The following TRIM71 variants were observed in gnomAD, a reference collection of about 807,000 sequenced individuals.
The protein encoded by TRIM71 is tripartite motif containing 71.
Under a neutral mutation model 61.2 loss-of-function variants are expected in TRIM71, and 9 were observed. The ratio of observed to expected loss-of-function variants is 0.15; its 90% confidence interval spans 0.09 to 0.26. The LOEUF (loss-of-function observed/expected upper bound fraction) is 0.26, where lower values mean the gene tolerates loss of function less well. Ranked by LOEUF, TRIM71 falls within the 10% of genes least tolerant of loss-of-function variation. The probability of loss-of-function intolerance (pLI) is 1.00; values close to 1 mark genes in which losing one functional copy is unlikely to be tolerated. For synonymous variants in TRIM71, 645 were observed against 553.2 expected (o/e 1.17, Z -2.33); for missense variants, 998 against 1,238.7 (o/e 0.81, Z 2.92).
chr3:32,888,503 A>G (rs1331781170), intron 3 of TRIM71, among the ~76,000 whole-genome samples: 1 of 148,396 alleles, frequency 6.7e-6, no homozygotes, highest in Non-Finnish European at 1.5e-5. Flanking sequence ...CTCCTTTAAT[A>G]CACATTTCCC....
intron 1 of TRIM71, among the ~76,000 whole-genome samples, chr3:32,822,722 C>T (rs1696155487): frequency 6.6e-6 from 1 of 152,098 alleles, no homozygotes; most frequent in Admixed American, 6.6e-5. Flanking sequence ...AAGCATAATA[C>T]AAATTTTCCC....
chr3:32,830,286 G>A, intron 1 of TRIM71, among the ~76,000 whole-genome samples: 1 of 152,046 alleles, frequency 6.6e-6, no homozygotes. Context: ...TCATTAAGGA[G>A]AACGTTAAAA....
At chr3:32,870,953 C>T (rs1487688565) in intron 1 of TRIM71, among the ~76,000 whole-genome samples, 1 of 151,202 alleles carries the variant, frequency 6.6e-6, no homozygotes. Context: ...CAAGCGTGAG[C>T]CACCACGCCC....
chr3:32,891,661 G>C lies in TRIM71; in HGVS notation c.2457G>C (p.Gln819His). The change falls in exon 4 of 4, where the codon CAG (glutamine) becomes CAC (histidine). Residue 819 changes from glutamine to histidine, a missense_variant. Transcript: ENST00000383763. This position sits in a 1 kb window ranked among gnomAD's most constrained non-coding sequence, Gnocchi z 8.2. ...CGGATTCCAGGAACCATCGGGTACA[G>C]ATGTTTGAATCCAACGGCAGCTTCC... ...IVADSRNHRV[Q>H]MFESNGSFLC... The C allele has an allele frequency of 6.2e-7, 1 of 1,613,964 alleles. No individual in the cohort carries two copies. The highest frequency in any genetic ancestry group is 8.5e-7 in the Non-Finnish European group (1 of 1,179,900).
intron 1 of TRIM71, among the ~76,000 whole-genome samples, chr3:32,841,329 A>G (rs969114041): frequency 3.3e-5 from 5 of 152,000 alleles, no homozygotes; most frequent in Non-Finnish European, 5.9e-5. Flanking sequence ...CCTGAGTGTG[A>G]TATTATACTA....
intron 1 of TRIM71, among the ~76,000 whole-genome samples, chr3:32,827,515 C>G (rs1250409424): frequency 6.6e-6 from 1 of 152,060 alleles, no homozygotes; most frequent in Non-Finnish European, 1.5e-5. Flanking sequence ...GCCGCCTCAG[C>G]CTCCCAAAGT....
chr3:32,823,116 G>A (rs904739636), intron 1 of TRIM71, among the ~76,000 whole-genome samples: 1 of 152,152 alleles, frequency 6.6e-6, no homozygotes, highest in Non-Finnish European at 1.5e-5. Context: ...AATAATTACA[G>A]AGGTTGCTGC....
intron 1 of TRIM71, among the ~76,000 whole-genome samples, chr3:32,863,194 C>CTTTTTT (rs1559545534): frequency 7.6e-5 from 9 of 117,704 alleles, no homozygotes; most frequent in African/African-American, 2.9e-4. Flanking sequence ...ATTAATTGAA[C>CTTTTTT]CTTTTTTTTT....
Position 32,892,651 on chromosome 3 carries a change from C to G in TRIM71, c.*840C>G, listed in dbSNP as rs1056499540. The G allele has an allele frequency of 6.6e-6, 1 of 152,188 alleles. No homozygotes were observed. Among genetic ancestry groups the G allele is most frequent in the African/African-American group, 2.4e-5 (1 of 41,444 alleles). The allele number at this position is 152,188 out of a possible 1,614,324, so 9.4% of individuals were successfully genotyped here. ...AAATGACACACTGCCTCCCAAAGAA[C>G]CTCTCCTTTTCACACTTTGGTTTCT... On this transcript the variant is annotated 3_prime_UTR_variant, in exon 4 of 4. Coordinates refer to ENST00000383763, the MANE Select transcript of TRIM71 (RefSeq NM_001039111.3).
At chr3:32,821,878 C>T (rs1386113387) in intron 1 of TRIM71, among the ~76,000 whole-genome samples, 11 of 151,888 alleles carry the variant, frequency 7.2e-5, no homozygotes, top group Non-Finnish European at 1.6e-4. Context: ...GCCTGGCCGG[C>T]GGCTGCTCTT....
chr3:32,829,922 A>ATTTTT (rs11327826), intron 1 of TRIM71, among the ~76,000 whole-genome samples: 2 of 109,540 alleles, frequency 1.8e-5, no homozygotes, highest in Non-Finnish European at 3.6e-5. Context: ...TACTGCCTGA[A>ATTTTT]TTTTTTTTTT....
intron 1 of TRIM71, among the ~76,000 whole-genome samples, chr3:32,838,521 CCTTT>C (rs1257010363): frequency 1.3e-5 from 1 of 79,500 alleles, no homozygotes; most frequent in Non-Finnish European, 2.7e-5. Context: ...CTGCACCTGG[CCTTT>C]TTTTTTTTTT....
rs1697035249 is a variant in TRIM71, at chr3:32,892,270, A to G, written c.*459A>G. On this transcript the variant is annotated 3_prime_UTR_variant, in exon 4 of 4. Transcript: ENST00000383763. The stretch of plus-strand genomic sequence containing the variant: ...AAAAAAACTACTAAGTAAAAAAACA[A>G]AAAACTATAAAACATGGAAAAAATA... 1 of 154,912 alleles carries G rather than the reference A, an allele frequency of 6.5e-6. No individual in the cohort carries two copies. The allele number at this position is 154,912 out of a possible 1,614,324, so 9.6% of individuals were successfully genotyped here.
rs1412602908 is a variant in TRIM71, at chr3:32,896,056, C to T, written c.*4245C>T. 6.6e-6 allele frequency: 1 copy of T among 152,202 alleles called. No individual in the cohort carries two copies. The highest frequency in any genetic ancestry group is 2.4e-5 in the African/African-American group (1 of 41,450). 9.4% of individuals were successfully genotyped at this position (152,202 alleles called of 1,614,324 possible). On this transcript the variant is annotated 3_prime_UTR_variant, in exon 4 of 4. Transcript: ENST00000383763. ...TCTTAGCAATCTGGCTTTTCCCCCTCAAAAAGAATTATGCATACCATTACT... is the reference window on the plus strand; with the variant it reads ...TCTTAGCAATCTGGCTTTTCCCCCTTAAAAAGAATTATGCATACCATTACT...
At chr3:32,875,180 TAGTG>T in intron 2 of TRIM71, among the ~76,000 whole-genome samples, 1 of 152,308 alleles carries the variant, frequency 6.6e-6, no homozygotes, top group South Asian at 2.1e-4. Context: ...TGTGAGAAAT[TAGTG>T]AGCAGAATGT....
chr3:32,866,753 G>A (rs1004646086), intron 1 of TRIM71, among the ~76,000 whole-genome samples: 9 of 152,146 alleles, frequency 5.9e-5, no homozygotes, highest in East Asian at 5.8e-4. Context: ...AGGAACCTAC[G>A]CAGTGTTTTG....
chr3:32,840,563 A>T (rs1696392367), intron 1 of TRIM71, among the ~76,000 whole-genome samples: 1 of 152,108 alleles, frequency 6.6e-6, no homozygotes, highest in Non-Finnish European at 1.5e-5. Flanking sequence ...TGTGCTGGAG[A>T]CTTTCCCTTG....
intron 2 of TRIM71, among the ~76,000 whole-genome samples, chr3:32,879,915 T>G (rs1356050118): frequency 6.6e-6 from 1 of 151,660 alleles, no homozygotes; most frequent in Non-Finnish European, 1.5e-5. Context: ...GAGCCAAGAT[T>G]ACACCACTGC....
chr3:32,846,169 G>A (rs1227590733), intron 1 of TRIM71, among the ~76,000 whole-genome samples: 3 of 149,048 alleles, frequency 2.0e-5, no homozygotes, highest in Non-Finnish European at 3.0e-5. Context: ...TCCGCCTCCC[G>A]GGTTCACAGG....
Sources: allele counts gnomAD v4.1 joint callset (sites outside exome capture counted in the v4.1 genomes callset), GRCh38; gene constraint gnomAD v4.1.1; non-coding constraint Gnocchi (gnomAD v3.1); transcripts MANE v1.5; gene names NCBI Gene and HGNC (gene_info 2026-07-23, HGNC 2026-07-21).